The following FCHSD2 variants were observed in gnomAD, a reference collection of about 807,000 sequenced individuals.
The protein encoded by FCHSD2 is F-BAR and double SH3 domains protein 2.
Under a neutral mutation model 108.1 loss-of-function variants are expected in FCHSD2, and 38 were observed. That is an observed-to-expected ratio of 0.35 (90% CI 0.27 to 0.46). The LOEUF is 0.46. Ranked by LOEUF, FCHSD2 falls within the 20% of genes least tolerant of loss-of-function variation. FCHSD2 has a pLI of 1.00. For synonymous variants in FCHSD2, 279 were observed against 314.7 expected (o/e 0.89, Z 1.20); for missense variants, 751 against 897.8 (o/e 0.84, Z 2.09).
At chr11:73,039,594 G>GT (rs1483082040) in intron 3 of FCHSD2, among the ~76,000 whole-genome samples, 4 of 151,884 alleles carry the variant, frequency 2.6e-5, no homozygotes, top group Non-Finnish European at 4.4e-5. Flanking sequence ...TTAAAAATGT[G>GT]TAAGTATGTA....
intron 3 of FCHSD2, among the ~76,000 whole-genome samples, chr11:73,031,358 C>T (rs1443730370): frequency 2.0e-5 from 3 of 151,792 alleles, no homozygotes; most frequent in Non-Finnish European, 2.9e-5. Context: ...TGCCTGTAGT[C>T]CCAGCTACTC....
chr11:72,940,864 G>A (rs944305345), intron 8 of FCHSD2: 5 of 934,510 alleles, frequency 5.4e-6, no homozygotes, highest in Non-Finnish European at 5.2e-6. Context: ...TTGGGTTGGT[G>A]AAGATTACAC....
intron 2 of FCHSD2, among the ~76,000 whole-genome samples, chr11:73,115,671 T>C (rs1252738460): frequency 6.6e-6 from 1 of 152,180 alleles, no homozygotes; most frequent in Non-Finnish European, 1.5e-5. Flanking sequence ...GTTCATGCAA[T>C]TGTAGGAGCT....
At chr11:72,951,988 AT>A (rs1302223188) in intron 8 of FCHSD2, among the ~76,000 whole-genome samples, 1 of 152,188 alleles carries the variant, frequency 6.6e-6, no homozygotes, top group Non-Finnish European at 1.5e-5. Flanking sequence ...TATTGTTGGC[AT>A]TTTCAACAGG....
At chr11:72,880,579 T>G (rs1317193310) in intron 12 of FCHSD2, among the ~76,000 whole-genome samples, 1 of 152,074 alleles carries the variant, frequency 6.6e-6, no homozygotes, top group African/African-American at 2.4e-5. Flanking sequence ...TCTCTCACCA[T>G]ATATAAAAGT....
intron 13 of FCHSD2, among the ~76,000 whole-genome samples, chr11:72,866,219 A>G (rs992811484): frequency 6.6e-6 from 1 of 151,994 alleles, no homozygotes; most frequent in African/African-American, 2.4e-5. Context: ...GTGCAATAGT[A>G]GGAGATATTC....
chr11:72,879,951 A>G (rs1219761848), intron 12 of FCHSD2, among the ~76,000 whole-genome samples: 3 of 148,526 alleles, frequency 2.0e-5, no homozygotes, highest in African/African-American at 7.4e-5. Context: ...GTGAGCCGAG[A>G]TCGCGCCATC....
chr11:72,915,126 C>T (rs1425277191), intron 9 of FCHSD2, among the ~76,000 whole-genome samples: 1 of 151,482 alleles, frequency 6.6e-6, no homozygotes, highest in Non-Finnish European at 1.5e-5. Context: ...ATACATGTGG[C>T]CAGCAATCAT....
chr11:73,141,973 G>T lies in FCHSD2; in HGVS notation c.-96C>A. 1 of 1,282,594 alleles carries T rather than the reference G, an allele frequency of 7.8e-7. No individual in the cohort carries two copies. Among genetic ancestry groups the T allele is most frequent in the Non-Finnish European group, 1.1e-6 (1 of 930,974 alleles). The allele number at this position is 1,282,594 out of a possible 1,614,324, so 79.5% of individuals were successfully genotyped here. A position where few individuals can be genotyped will look rare whatever the true frequency, so the allele number is the denominator to read the frequency against. ...GAGGAGGGGACGGCCCAGCGAGCGC[G>T]CGCGTGTGTGAAAGGAGCGCTTAAG... On this transcript the variant is annotated 5_prime_UTR_variant, in exon 1 of 20. Coordinates refer to ENST00000409418, the MANE Select transcript of FCHSD2 (RefSeq NM_014824.3).
chr11:73,094,864 A>G (rs2135526136), intron 2 of FCHSD2, among the ~76,000 whole-genome samples: 1 of 152,346 alleles, frequency 6.6e-6, no homozygotes, highest in East Asian at 1.9e-4. Context: ...ACAAACAAAA[A>G]TATTTTTTAA....
At chr11:72,994,752 C>T (rs1019629723) in intron 5 of FCHSD2, among the ~76,000 whole-genome samples, 3 of 151,668 alleles carry the variant, frequency 2.0e-5, no homozygotes, top group African/African-American at 7.3e-5. Context: ...GGTGACAGAG[C>T]GAGACTCCAT....
chr11:72,849,866 T>C lies in FCHSD2; in HGVS notation c.1332A>G (p.Glu444=), dbSNP rs1424823790. Residue 444 remains glutamate, a synonymous_variant, in exon 14 of 20, where the codon GAA becomes GAG. Coordinates refer to ENST00000409418, the MANE Select transcript of FCHSD2 (RefSeq NM_014824.3). ...LHSLNADTER[E]EGEEFEDNMD... ...TGTTATCTTCAAACTCTTCGCCTTC[T>C]TCTCTTTCGGTATCTGCATTAAGCT... The C allele has an allele frequency of 3.1e-6, 5 of 1,613,656 alleles. No individual in the cohort carries two copies. The highest frequency in any genetic ancestry group is 1.1e-5 in the South Asian group (1 of 91,060).
chr11:72,957,616 C>T (rs975635381), intron 8 of FCHSD2, among the ~76,000 whole-genome samples: 3 of 151,024 alleles, frequency 2.0e-5, no homozygotes, highest in African/African-American at 7.3e-5. Flanking sequence ...TGGAACATCT[C>T]GTAAAAATGT....
At chr11:72,907,876 A>G (rs914094155) in intron 9 of FCHSD2, among the ~76,000 whole-genome samples, 1 of 152,088 alleles carries the variant, frequency 6.6e-6, no homozygotes, top group East Asian at 1.9e-4. Context: ...TACAGGCGTG[A>G]GCCACCATGC....
chr11:73,042,346 T>A (rs923633963), intron 3 of FCHSD2, among the ~76,000 whole-genome samples: 1 of 152,216 alleles, frequency 6.6e-6, no homozygotes, highest in Non-Finnish European at 1.5e-5. Context: ...TTGGCACCTT[T>A]GTCAAAAATC....
intron 3 of FCHSD2, among the ~76,000 whole-genome samples, chr11:73,049,794 C>T (rs1858855580): frequency 1.3e-5 from 2 of 151,150 alleles, no homozygotes; most frequent in South Asian, 2.1e-4. Context: ...TTAGAGGGTA[C>T]GTTCTTACCA....
chr11:72,890,138 G>C (rs111427631), intron 10 of FCHSD2, among the ~76,000 whole-genome samples, 193 bp from the exon 11 acceptor site: 2 of 152,166 alleles, frequency 1.3e-5, no homozygotes, highest in Non-Finnish European at 2.9e-5. Flanking sequence ...AACCATTAAA[G>C]ACCATAAGCT....
At chr11:72,985,161 A>T in intron 6 of FCHSD2, 45 bp from the exon 7 acceptor site, 2 of 526,406 alleles carry the variant, frequency 3.8e-6, no homozygotes, top group Non-Finnish European at 6.5e-6. Flanking sequence ...TCATCTAATT[A>T]TATCACAATA....
chr11:73,051,906 CACACA>C (rs1858909789), intron 3 of FCHSD2, among the ~76,000 whole-genome samples: 1 of 147,752 alleles, frequency 6.8e-6, no homozygotes, highest in African/African-American at 2.6e-5. Flanking sequence ...CACACACACA[CACACA>C]CACACCCCAC....
Sources: gnomAD v4.1 joint callset for allele counts (sites outside exome capture counted in the v4.1 genomes callset) on GRCh38, gnomAD v4.1.1 for gene constraint, MANE v1.5 for transcripts, NCBI Gene and HGNC (gene_info 2026-07-23, HGNC 2026-07-21) for gene names.